Variants in CUX1 observed in about 807,000 individuals in gnomAD.
CUX1 encodes the protein cut like homeobox 1, also known as protein CASP.
Under a neutral mutation model 158.8 loss-of-function variants are expected in CUX1, and 31 were observed. The ratio of observed to expected loss-of-function variants is 0.20; its 90% CI spans 0.15 to 0.26. The LOEUF is 0.26. Among genes scored for constraint, CUX1 ranks in the 10% least tolerant of loss-of-function variants. The probability of loss-of-function intolerance (pLI) is 1.00; values close to 1 mark genes in which losing one functional copy is unlikely to be tolerated. For missense variants in CUX1, 1,589 were observed against 2,014.6 expected, an observed-to-expected ratio of 0.79 and a Z score of 4.04; for synonymous variants, 879 against 862.1, an observed-to-expected ratio of 1.02 and a Z score of -0.34.
At chr7:102,282,821 C>T (rs1554549750) in intron 22 of CUX1, 1 of 1,437,638 alleles carries the variant, frequency 7.0e-7, no homozygotes, top group Non-Finnish European at 9.5e-7. Flanking sequence ...ACAGCGAGCT[C>T]CCAGCACCCC....
At chr7:101,937,202 A>G (rs1398854846) in intron 2 of CUX1, among the ~76,000 whole-genome samples, 1 of 152,056 alleles carries the variant, frequency 6.6e-6, no homozygotes, top group Non-Finnish European at 1.5e-5. Context: ...AAGACCCTGT[A>G]CCGGGATGTC....
intron 4 of CUX1, among the ~76,000 whole-genome samples, chr7:102,094,042 G>A (rs1320082812): frequency 6.6e-6 from 1 of 152,158 alleles, no homozygotes; most frequent in Non-Finnish European, 1.5e-5. Context: ...AAGACAAAAA[G>A]CTATTATTTC....
intron 3 of CUX1, among the ~76,000 whole-genome samples, chr7:102,040,213 T>C (rs1821908757): frequency 6.6e-6 from 1 of 152,182 alleles, no homozygotes; most frequent in Non-Finnish European, 1.5e-5. Flanking sequence ...ACACTGGGTC[T>C]TGGGGTAGAG....
At chr7:102,103,772 T>C (rs1183772201) in intron 5 of CUX1, among the ~76,000 whole-genome samples, 2 of 151,748 alleles carry the variant, frequency 1.3e-5, no homozygotes, top group Non-Finnish European at 2.9e-5. Context: ...AATTTATTTG[T>C]AATTTGTGTG....
chr7:101,873,745 G>A (rs944580339), intron 1 of CUX1, among the ~76,000 whole-genome samples: 1 of 151,832 alleles, frequency 6.6e-6, no homozygotes, highest in East Asian at 1.9e-4. Flanking sequence ...TACCACACTC[G>A]GCTAATTTTT....
Position 102,171,740 on chromosome 7 carries a change from G to A in CUX1, c.828+1190G>A, listed in dbSNP as rs564583079. ...TGGGATTACAGGCATGAGCCACCACGCCTAGCCTGATCCCTCAATTTCTAG... is the reference window on the plus strand; with the variant it reads ...TGGGATTACAGGCATGAGCCACCACACCTAGCCTGATCCCTCAATTTCTAG... On this transcript the variant is annotated intron_variant, in intron 10 of 23. Coordinates refer to ENST00000292535, the MANE Select transcript of CUX1 (RefSeq NM_181552.4). Among the ~76,000 whole-genome samples the A allele has an allele frequency of 5.9e-5, 9 of 152,108 alleles. 1 individual carries two copies. The highest frequency in any genetic ancestry group is 1.7e-4 in the African/African-American group (7 of 41,504).
At chr7:102,096,451 C>A (rs1175947244) in intron 4 of CUX1, among the ~76,000 whole-genome samples, 1 of 152,124 alleles carries the variant, frequency 6.6e-6, no homozygotes, top group Non-Finnish European at 1.5e-5. Flanking sequence ...GGGTGGCTCA[C>A]GCCTGTAATC....
At chr7:101,852,899 A>G (rs1796422350) in intron 1 of CUX1, among the ~76,000 whole-genome samples, 1 of 151,836 alleles carries the variant, frequency 6.6e-6, no homozygotes, top group African/African-American at 2.4e-5. Flanking sequence ...GCTGGTCTTG[A>G]ACTCCTGACC....
chr7:101,816,042 T>C (rs1224246553), upstream of CUX1: 10 of 1,417,568 alleles, frequency 7.1e-6, no homozygotes, highest in Admixed American at 1.6e-4. Context: ...TGGCGGCCAA[T>C]GTGGGATCGA....
At chr7:102,024,610 A>G (rs186994612) in intron 2 of CUX1, among the ~76,000 whole-genome samples, 3 of 152,286 alleles carry the variant, frequency 2.0e-5, no homozygotes, top group Admixed American at 1.3e-4. Context: ...TACAGGTGTG[A>G]GCCAGCGTGC....
Position 102,252,163 on chromosome 7 carries a change from T to C in CUX1, c.*3121T>C, listed in dbSNP as rs1285424018. On this transcript the variant is annotated 3_prime_UTR_variant, in exon 24 of 24. Coordinates refer to ENST00000292535, the MANE Select transcript of CUX1 (RefSeq NM_181552.4). ...AGAGATCCTAACCTTAGATCTTTGATGTGAAGCTAGCACTGTCTGTAATAC... is the reference window on the plus strand; with the variant it reads ...AGAGATCCTAACCTTAGATCTTTGACGTGAAGCTAGCACTGTCTGTAATAC... The C allele has an allele frequency of 2.0e-6, 2 of 985,318 alleles. No individual in the cohort carries two copies. Among genetic ancestry groups the C allele is most frequent in the Admixed American group, 6.1e-5 (1 of 16,272 alleles). 61.0% of individuals were successfully genotyped at this position (985,318 alleles called of 1,614,324 possible).
chr7:102,051,396 C>G (rs1396027612), intron 3 of CUX1, among the ~76,000 whole-genome samples: 2 of 151,686 alleles, frequency 1.3e-5, no homozygotes, highest in African/African-American at 4.8e-5. Flanking sequence ...GCCTGTAATC[C>G]CAACACTTTG....
At chr7:101,895,902 G>GTTTTTTTTTTTTTT (rs1193952295) in intron 1 of CUX1, among the ~76,000 whole-genome samples, 14 of 40,458 alleles carry the variant, frequency 3.5e-4, no homozygotes, top group African/African-American at 1.8e-3. Context: ...TTTTTTTTTT[G>GTTTTTTTTTTTTTT]TTTTTGTTTT....
At chr7:101,885,624 C>T (rs1340343807) in intron 1 of CUX1, among the ~76,000 whole-genome samples, 1 of 152,186 alleles carries the variant, frequency 6.6e-6, no homozygotes, top group Non-Finnish European at 1.5e-5. Context: ...GCCGCAGGGT[C>T]CCCTTGTCCT....
Position 102,250,972 on chromosome 7 carries a change from ATAT to A in CUX1, c.*1932_*1934del. On this transcript the variant is annotated 3_prime_UTR_variant, in exon 24 of 24. Coordinates refer to ENST00000292535, the MANE Select transcript of CUX1 (RefSeq NM_181552.4). ...CAATAGATGATTTCGGTATATATAT[ATAT>A]TTTTTTTTGCTTATTTATAGGTGCT... is the stretch of plus-strand genomic sequence containing the variant. 1.0e-6 allele frequency: 1 copy of A among 958,350 alleles called. No individual in the cohort carries two copies. The highest frequency in any genetic ancestry group is 1.2e-6 in the Non-Finnish European group (1 of 805,642). The allele number at this position is 958,350 out of a possible 1,614,324, so 59.4% of individuals were successfully genotyped here.
In CUX1 at chr7:102,192,591, C is replaced by T. The variant is rs879956165; in HGVS notation, c.1077-1251C>T. On this transcript the variant is annotated intron_variant, in intron 12 of 23. Coordinates refer to ENST00000292535, the MANE Select transcript of CUX1 (RefSeq NM_181552.4). Reference sequence around the variant, plus strand: ...CTGTAATCCCAGCACTTTGGGAGGCCGACAGATCACCTGAGGTCAGGAAAC... The same window carrying T: ...CTGTAATCCCAGCACTTTGGGAGGCTGACAGATCACCTGAGGTCAGGAAAC... 3.9e-5 allele frequency among the ~76,000 whole-genome samples: 6 copies of T among 152,080 alleles called. No individual in the cohort carries two copies. The East Asian group carries it at 7.7e-4, about 20-fold the overall frequency.
intron 3 of CUX1, among the ~76,000 whole-genome samples, chr7:102,066,700 G>A (rs443293): frequency 0.83 from 126,908 of 152,242 alleles, 53,030 homozygotes; most frequent in East Asian, 0.99. Flanking sequence ...CAGCTTCCTG[G>A]ACAGACTCTG....
chr7:102,058,376 C>T (rs1824397897), intron 3 of CUX1, among the ~76,000 whole-genome samples: 2 of 152,090 alleles, frequency 1.3e-5, no homozygotes, highest in African/African-American at 2.4e-5. Flanking sequence ...AGGGTTCAAG[C>T]GATTCTCATG....
intron 3 of CUX1, among the ~76,000 whole-genome samples, chr7:102,037,532 AG>A (rs1821579264): frequency 6.6e-6 from 1 of 151,622 alleles, no homozygotes; most frequent in Admixed American, 6.6e-5. Context: ...TTGTATTTTT[AG>A]TAGAGACAGG....
Sources: allele counts gnomAD v4.1 joint callset (sites outside exome capture counted in the v4.1 genomes callset), GRCh38; gene constraint gnomAD v4.1.1; transcripts MANE v1.5; gene names NCBI Gene and HGNC (gene_info 2026-07-23, HGNC 2026-07-21).